Variants in MYZAP observed in about 807,000 individuals in gnomAD.
MYZAP encodes the protein myocardial zonula adherens protein.
A neutral mutation model predicts 69.4 loss-of-function variants in MYZAP; 66 were observed. The ratio of observed to expected loss-of-function variants is 0.95; its 90% CI spans 0.78 to 1.17. MYZAP has a LOEUF of 1.17. MYZAP is among the 50% of genes most tolerant of loss of function. The probability of loss-of-function intolerance (pLI) is 0.00; values close to 1 mark genes in which losing one functional copy is unlikely to be tolerated. For synonymous variants in MYZAP, 256 were observed against 205.9 expected, an observed-to-expected ratio of 1.24 and a Z score of -2.09; for missense variants, 611 against 556.2, an observed-to-expected ratio of 1.10 and a Z score of -0.99.
intron 8 of MYZAP, among the ~76,000 whole-genome samples, chr15:57,634,219 T>C (rs2036678558): frequency 6.6e-6 from 1 of 151,456 alleles, no homozygotes; most frequent in South Asian, 2.1e-4. Context: ...AGGCGGGAGC[T>C]CAGCTGGGAT....
chr15:57,604,455 C>G lies in MYZAP; in HGVS notation c.162+100C>G, dbSNP rs2034614153. On this transcript the variant is annotated intron_variant, in intron 2 of 12. Coordinates refer to ENST00000267853, the MANE Select transcript of MYZAP (RefSeq NM_001018100.5). ...CAGGCCATTCCCAGAGGCTGGGTGT[C>G]TGCACCTCTGTTGAGGAGAAGGCCC... 1.1e-5 allele frequency: 14 copies of G among 1,321,958 alleles called. 1 individual carries two copies. 81.9% of individuals were successfully genotyped at this position (1,321,958 alleles called of 1,614,324 possible). A position where few individuals can be genotyped will look rare whatever the true frequency, so the allele number is the denominator to read the frequency against.
chr15:57,626,035 C>A, intron 5 of MYZAP, 143 bp downstream of exon 5: 1 of 740,752 alleles, frequency 1.3e-6, no homozygotes, highest in Non-Finnish European at 2.3e-6. Flanking sequence ...AGACTGTGCC[C>A]AGAAGACAGT....
chr15:57,610,288 G>A (rs1436909518), intron 2 of MYZAP, among the ~76,000 whole-genome samples: 1 of 152,218 alleles, frequency 6.6e-6, no homozygotes, highest in Non-Finnish European at 1.5e-5. Flanking sequence ...TGAAAAGGAG[G>A]AAGTCCTTGC....
intron 2 of MYZAP, among the ~76,000 whole-genome samples, chr15:57,612,452 G>C (rs1270757081): frequency 6.6e-6 from 1 of 152,174 alleles, no homozygotes; most frequent in Admixed American, 6.5e-5. Context: ...TTAATCCTCA[G>C]TGTCAAGGAT....
chr15:57,669,080 G>A (rs2140590608), intron 11 of MYZAP, among the ~76,000 whole-genome samples: 1 of 151,864 alleles, frequency 6.6e-6, no homozygotes, highest in East Asian at 1.9e-4. Context: ...TAGTAGAGAT[G>A]GTTTCACCAC....
intron 10 of MYZAP, among the ~76,000 whole-genome samples, chr15:57,659,945 G>T (rs2038198476): frequency 6.6e-6 from 1 of 151,950 alleles, no homozygotes; most frequent in Non-Finnish European, 1.5e-5. Context: ...TTTTGTCTTT[G>T]CAGTGTTTCT....
At chr15:57,674,919 G>C in intron 11 of MYZAP, 49 bp from the exon 12 acceptor site, 1 of 1,507,360 alleles carries the variant, frequency 6.6e-7, no homozygotes, top group Non-Finnish European at 9.1e-7. Context: ...GCATATTTGA[G>C]GGGGAACATA....
intron 1 of MYZAP, among the ~76,000 whole-genome samples, 200 bp downstream of exon 1, chr15:57,592,309 G>A (rs1357516330): frequency 6.6e-6 from 1 of 152,196 alleles, no homozygotes; most frequent in African/African-American, 2.4e-5. Flanking sequence ...GCTGGTAGGA[G>A]AGGGCTTAGG....
chr15:57,597,397 C>A (rs2034130511), intron 1 of MYZAP, among the ~76,000 whole-genome samples: 1 of 152,206 alleles, frequency 6.6e-6, no homozygotes, highest in Non-Finnish European at 1.5e-5. Context: ...TAATGTGCAG[C>A]AAGGCTAACA....
intron 1 of MYZAP, among the ~76,000 whole-genome samples, chr15:57,600,551 C>T (rs1209579896): frequency 2.0e-5 from 3 of 152,116 alleles, no homozygotes; most frequent in East Asian, 1.9e-4. Flanking sequence ...TGGGCTCAAG[C>T]CAGGGGAGGG....
intron 12 of MYZAP, among the ~76,000 whole-genome samples, chr15:57,678,857 T>C (rs1443264538): frequency 6.6e-6 from 1 of 152,174 alleles, no homozygotes; most frequent in South Asian, 2.1e-4. Context: ...TGCTCTACTT[T>C]TTTTTTTGTC....
intron 10 of MYZAP, among the ~76,000 whole-genome samples, chr15:57,656,297 C>A (rs1249454852): frequency 2.0e-5 from 3 of 152,150 alleles, no homozygotes; most frequent in Non-Finnish European, 4.4e-5. Context: ...TTTGTTGATT[C>A]ATTCATTTGT....
intron 10 of MYZAP, among the ~76,000 whole-genome samples, chr15:57,654,210 C>G (rs1042119639): frequency 9.2e-5 from 14 of 151,916 alleles, no homozygotes; most frequent in African/African-American, 3.1e-4. Flanking sequence ...TAATGGTTCC[C>G]CTCTTTTGGC....
At chr15:57,642,466 C>T (rs760094244) in intron 10 of MYZAP, among the ~76,000 whole-genome samples, 10 of 152,240 alleles carry the variant, frequency 6.6e-5, no homozygotes, top group South Asian at 2.1e-4. Context: ...CTGTGAACTC[C>T]GGCTCCCCAG....
intron 2 of MYZAP, among the ~76,000 whole-genome samples, chr15:57,614,346 A>G (rs1476268031): frequency 6.6e-6 from 1 of 152,236 alleles, no homozygotes; most frequent in African/African-American, 2.4e-5. Context: ...TTGATAGGGA[A>G]GCAGGGCTTC....
intron 2 of MYZAP, among the ~76,000 whole-genome samples, chr15:57,613,774 C>G (rs1430236121): frequency 1.3e-5 from 2 of 152,186 alleles, no homozygotes; most frequent in Non-Finnish European, 2.9e-5. Flanking sequence ...CCAGCAACCT[C>G]AATACATGGC....
chr15:57,607,844 C>A (rs2034853321), intron 2 of MYZAP, among the ~76,000 whole-genome samples: 1 of 152,168 alleles, frequency 6.6e-6, no homozygotes, highest in African/African-American at 2.4e-5. Flanking sequence ...GTGATTTCGT[C>A]ACCATGTCCT....
At chr15:57,646,975 A>G (rs1473769492) in intron 10 of MYZAP, 33 of 985,296 alleles carry the variant, frequency 3.3e-5, no homozygotes, top group Non-Finnish European at 4.0e-5. Flanking sequence ...AGTTTTGCTG[A>G]GAACTAGCAG....
chr15:57,665,724 T>A (rs1007015348), intron 11 of MYZAP, among the ~76,000 whole-genome samples: 1 of 152,204 alleles, frequency 6.6e-6, no homozygotes, highest in East Asian at 1.9e-4. Flanking sequence ...GGTCTCCATT[T>A]GGGGATGTCA....
Sources: allele counts gnomAD v4.1 joint callset (sites outside exome capture counted in the v4.1 genomes callset), GRCh38; gene constraint gnomAD v4.1.1; transcripts MANE v1.5; gene names NCBI Gene and HGNC (gene_info 2026-07-23, HGNC 2026-07-21).